The following UBOX5 variants were observed in gnomAD, a reference collection of about 807,000 sequenced individuals.
UBOX5 encodes the protein RING finger protein 37.
A neutral mutation model predicts 39.0 loss-of-function variants in UBOX5; 28 were observed. The observed-to-expected ratio is 0.72, with a 90% CI of 0.53 to 0.98. The LOEUF (loss-of-function observed/expected upper bound fraction) is 0.98. UBOX5 is among the 50% of genes least tolerant of loss of function. UBOX5 has a pLI of 0.00. For synonymous variants in UBOX5, 283 were observed against 275.5 expected, an observed-to-expected ratio of 1.03 and a Z score of -0.27; for missense variants, 585 against 674.4, an observed-to-expected ratio of 0.87 and a Z score of 1.47.
In UBOX5 at chr20:3,147,693, T is replaced by C. The variant is rs1274372321; in HGVS notation, c.-42+12073A>G. On this transcript the variant is annotated intron_variant, in intron 1 of 4. Transcript: ENST00000217173. The stretch of plus-strand genomic sequence containing the variant: ...TACTGGTTGAATTCAGGCATCTTTC[T>C]GTGAATCTCACTTATCAGGCTGGAG... 1.9e-6 allele frequency: 3 copies of C among 1,614,268 alleles called. No individual in the cohort carries two copies. In the Admixed American group the frequency reaches 5.0e-5, roughly 27 times the overall value.
At position 3,149,147 on chromosome 20, in the gene UBOX5, T is replaced by C; in HGVS notation, c.-42+10619A>G. The C allele has an allele frequency of 6.7e-7, 1 of 1,491,250 alleles. No individual in the cohort carries two copies. Among genetic ancestry groups the C allele is most frequent in the Non-Finnish European group, 9.0e-7 (1 of 1,106,970 alleles). The allele number at this position is 1,491,250 out of a possible 1,614,324, so 92.4% of individuals were successfully genotyped here. On this transcript the variant is annotated intron_variant, in intron 1 of 4. Coordinates refer to ENST00000217173, the MANE Select transcript of UBOX5 (RefSeq NM_014948.4). This position sits in a 1 kb window ranked among gnomAD's most constrained non-coding sequence, Gnocchi z 4.1. ...TTGACCAGGCAATTTCTTGTTTATA[T>C]GGTGCTTGATTAGAGCTGGACGGGG...
At chr20:3,147,491 T>C in intron 1 of UBOX5, 1 of 1,614,204 alleles carries the variant, frequency 6.2e-7, no homozygotes, top group South Asian at 1.1e-5. Flanking sequence ...GCCTCTGTAA[T>C]CTGGACACTC....
At chr20:3,146,666 C>T in intron 1 of UBOX5, 1 of 1,320,250 alleles carries the variant, frequency 7.6e-7, no homozygotes, top group Non-Finnish European at 1.0e-6. Context: ...TAAGTCTCCT[C>T]AACACACTAT....
intron 1 of UBOX5, chr20:3,147,613 T>A (rs17850190): frequency 6.2e-7 from 1 of 1,614,200 alleles, no homozygotes; most frequent in Admixed American, 1.7e-5. Flanking sequence ...TTAACTCTAC[T>A]GGAAAGTACT....
At chr20:3,129,988 G>C (rs1026990349) in intron 1 of UBOX5, among the ~76,000 whole-genome samples, 8 of 152,180 alleles carry the variant, frequency 5.3e-5, no homozygotes, top group Admixed American at 6.5e-5. Context: ...CCAGTACTCT[G>C]GGAGACCAAG....
At chr20:3,114,904 T>C (rs1405893603) in intron 4 of UBOX5, among the ~76,000 whole-genome samples, 1 of 152,072 alleles carries the variant, frequency 6.6e-6, no homozygotes, top group Non-Finnish European at 1.5e-5. Context: ...GCTGAGACTG[T>C]GCCACTGCAC....
chr20:3,126,847 C>T (rs941420338), intron 1 of UBOX5, among the ~76,000 whole-genome samples: 6 of 151,696 alleles, frequency 4.0e-5, no homozygotes, highest in Non-Finnish European at 5.9e-5. Context: ...AGCAGCCTGG[C>T]CAACATGGTG....
chr20:3,157,933 T>C (rs2066704812), intron 1 of UBOX5, among the ~76,000 whole-genome samples: 1 of 150,862 alleles, frequency 6.6e-6, no homozygotes, highest in Non-Finnish European at 1.5e-5. Context: ...TCTCGCTCTG[T>C]TGTTCAGTCT....
At chr20:3,150,041 A>T (rs1322159857) in intron 1 of UBOX5, among the ~76,000 whole-genome samples, 1 of 152,072 alleles carries the variant, frequency 6.6e-6, no homozygotes, top group Non-Finnish European at 1.5e-5. Context: ...AAAAGATTTA[A>T]TTAGTTATAC....
chr20:3,117,398 C>T (rs1447309163), intron 3 of UBOX5, among the ~76,000 whole-genome samples: 1 of 151,830 alleles, frequency 6.6e-6, no homozygotes, highest in Non-Finnish European at 1.5e-5. Flanking sequence ...AATCTATTAA[C>T]AGGGGCCAGG....
intron 1 of UBOX5, among the ~76,000 whole-genome samples, chr20:3,153,126 G>T (rs1279521153): frequency 6.6e-6 from 1 of 152,046 alleles, no homozygotes; most frequent in African/African-American, 2.4e-5. Context: ...CTCTATAAAT[G>T]ATATTAATTT....
At position 3,141,056 on chromosome 20, in the gene UBOX5, T is replaced by A. The variant is rs537868432; in HGVS notation, c.-41-17650A>T. Among the ~76,000 whole-genome samples, 19 of 151,846 alleles carry A rather than the reference T, an allele frequency of 1.3e-4. No individual in the cohort carries two copies. In the South Asian group the frequency reaches 4.0e-3, roughly 32 times the overall value. On this transcript the variant is annotated intron_variant, in intron 1 of 4. Coordinates refer to ENST00000217173, the MANE Select transcript of UBOX5 (RefSeq NM_014948.4). ...GCCTCAGCCTCCCAAGTAGCTGGGA[T>A]TACAGACACGTGCCATCATGCCCGG...
chr20:3,152,201 C>A (rs1220552123), intron 1 of UBOX5, among the ~76,000 whole-genome samples: 2 of 151,320 alleles, frequency 1.3e-5, no homozygotes, highest in African/African-American at 4.9e-5. Flanking sequence ...CTATTTTTGG[C>A]TGGGCACAGT....
chr20:3,151,926 G>A (rs1052648374), intron 1 of UBOX5: 9 of 151,414 alleles, frequency 5.9e-5, no homozygotes, highest in African/African-American at 2.2e-4. Context: ...CCATCATGGT[G>A]AAACCCTATC....
chr20:3,140,659 C>T (rs1260565789), intron 1 of UBOX5, among the ~76,000 whole-genome samples: 1 of 152,050 alleles, frequency 6.6e-6, no homozygotes, highest in Non-Finnish European at 1.5e-5. Context: ...GCCAACTCCT[C>T]CCACAAAAAA....
At chr20:3,123,441 G>T (rs985371372) in intron 1 of UBOX5, 35 bp from the exon 2 acceptor site, 10 of 1,465,874 alleles carry the variant, frequency 6.8e-6, no homozygotes, top group Non-Finnish European at 8.5e-6. Context: ...ATTAGAAAAT[G>T]TAAAATTCAA....
chr20:3,157,857 T>C (rs1222272644), intron 1 of UBOX5, among the ~76,000 whole-genome samples: 3 of 152,212 alleles, frequency 2.0e-5, no homozygotes, highest in African/African-American at 7.2e-5. Context: ...AGAGGCTGTA[T>C]AGTACATACT....
At chr20:3,127,515 G>C (rs1280535582) in intron 1 of UBOX5, among the ~76,000 whole-genome samples, 1 of 152,140 alleles carries the variant, frequency 6.6e-6, no homozygotes, top group Non-Finnish European at 1.5e-5. Flanking sequence ...ATGTAAGCCA[G>C]AGGAAGGTCA....
intron 1 of UBOX5, among the ~76,000 whole-genome samples, chr20:3,134,985 T>G (rs1354862055): frequency 6.6e-6 from 1 of 152,040 alleles, no homozygotes; most frequent in Admixed American, 6.6e-5. Flanking sequence ...AATCAAGTAA[T>G]GGGTTAAAGA....
Sources: allele counts gnomAD v4.1 joint callset (sites outside exome capture counted in the v4.1 genomes callset), GRCh38; gene constraint gnomAD v4.1.1; non-coding constraint Gnocchi (gnomAD v3.1); transcripts MANE v1.5; gene names NCBI Gene and HGNC (gene_info 2026-07-23, HGNC 2026-07-21).